CABLES1: variants seen among roughly 807,000 people sequenced by gnomAD.
CABLES1 encodes the protein CDK5 and ABL1 enzyme substrate 1.
CABLES1 carries 36 observed loss-of-function variants against 57.8 expected under a neutral mutation model. The observed-to-expected ratio is 0.62, with a 90% CI of 0.48 to 0.82. The LOEUF (loss-of-function observed/expected upper bound fraction) is 0.82, where lower values mean the gene tolerates loss of function less well. CABLES1 is among the 40% of genes least tolerant of loss of function. The pLI is 0.00. For synonymous variants in CABLES1, 374 were observed against 363.0 expected (o/e 1.03, Z -0.35); for missense variants, 767 against 836.6 (o/e 0.92, Z 1.03).
chr18:23,183,260 C>T (rs1197915957), intron 1 of CABLES1, among the ~76,000 whole-genome samples: 1 of 152,248 alleles, frequency 6.6e-6, no homozygotes, highest in Non-Finnish European at 1.5e-5. Flanking sequence ...TTTCCCCTCT[C>T]TTCTTCCCCA....
Position 23,257,265 on chromosome 18 carries a change from G to C in CABLES1, c.1800G>C (p.Leu600=). ...EEKFRLNRRE[L]IAFEFPVLVA... is the part of the protein sequence containing the mutation. ...AGTTCCGGCTGAACAGGCGAGAACT[G>C]ATTGCCTTTGAATTCCCGGTGTTAG... Residue 600 remains leucine, a synonymous_variant, in exon 10 of 10, where the codon CTG becomes CTC. Transcript: ENST00000256925. 6.2e-7 allele frequency: 1 copy of C among 1,612,820 alleles called. No homozygotes were observed. The highest frequency in any genetic ancestry group is 8.5e-7 in the Non-Finnish European group (1 of 1,179,728).
intron 1 of CABLES1, among the ~76,000 whole-genome samples, chr18:23,138,955 T>G (rs1444652202): frequency 6.6e-6 from 1 of 152,200 alleles, no homozygotes; most frequent in Non-Finnish European, 1.5e-5. Context: ...CCAGACTACG[T>G]GAGTCCAGAT....
chr18:23,196,162 A>G (rs1167062390), intron 3 of CABLES1, among the ~76,000 whole-genome samples: 1 of 152,250 alleles, frequency 6.6e-6, no homozygotes, highest in Admixed American at 6.5e-5. Context: ...TTGACCTAAG[A>G]GAACGTAAAC....
chr18:23,151,716 G>A (rs1189073759), intron 1 of CABLES1, among the ~76,000 whole-genome samples: 2 of 152,176 alleles, frequency 1.3e-5, no homozygotes, highest in Non-Finnish European at 2.9e-5. Context: ...TTCGGGAGGT[G>A]ACTGCTGAAC....
Position 23,223,527 on chromosome 18 carries a change from G to A in CABLES1, c.1088+9473G>A, listed in dbSNP as rs146515119. On this transcript the variant is annotated intron_variant, in intron 4 of 9. Transcript: ENST00000256925. ...CGGGAGGTGGAGGTTGCAGTGAGCC[G>A]AGATCTCGCCATTGCATTCCAGCCT... is the stretch of plus-strand genomic sequence containing the variant. Among the ~76,000 whole-genome samples, 572 of 149,506 alleles carry A rather than the reference G, an allele frequency of 3.8e-3. 3 individuals are homozygous for A. Among genetic ancestry groups the A allele is most frequent in the African/African-American group, 0.013 (541 of 40,448 alleles).
chr18:23,256,076 C>T (rs1479252807), intron 9 of CABLES1, among the ~76,000 whole-genome samples: 2 of 152,162 alleles, frequency 1.3e-5, no homozygotes, highest in Admixed American at 6.5e-5. Flanking sequence ...ATGGTTTGAC[C>T]AGCCACTTAC....
intron 2 of CABLES1, among the ~76,000 whole-genome samples, chr18:23,191,877 T>C (rs1262921696): frequency 7.0e-6 from 1 of 142,720 alleles, no homozygotes; most frequent in Non-Finnish European, 1.5e-5. Flanking sequence ...AAGCATTTCT[T>C]AGATTCCCTG....
intron 9 of CABLES1, among the ~76,000 whole-genome samples, chr18:23,256,929 T>C (rs1267931699): frequency 6.6e-6 from 1 of 152,234 alleles, no homozygotes; most frequent in Non-Finnish European, 1.5e-5. Context: ...GCCCGTTTTC[T>C]CATCTGTAAA....
chr18:23,136,458 T>C lies in CABLES1; in HGVS notation c.696T>C (p.Ser232=), dbSNP rs2046822368. 3 of 1,599,630 alleles carry C rather than the reference T, an allele frequency of 1.9e-6. No individual in the cohort carries two copies. The highest frequency in any genetic ancestry group is 1.7e-5 in the Admixed American group (1 of 58,754). ...AAFLGSGTPG[S]GSGSRGRLNS... is the part of the protein sequence containing the mutation. The stretch of plus-strand genomic sequence containing the variant: ...TTTTGGGCTCCGGGACCCCCGGGAG[T>C]GGGAGCGGCAGTCGGGGACGCCTCA... Residue 232 remains serine, a synonymous_variant, in exon 1 of 10, where the codon AGT becomes AGC. Transcript: ENST00000256925.
chr18:23,220,479 G>A (rs563456785), intron 4 of CABLES1, among the ~76,000 whole-genome samples: 4 of 152,082 alleles, frequency 2.6e-5, no homozygotes, highest in Non-Finnish European at 5.9e-5. Flanking sequence ...CAGGCAGTGT[G>A]GCCGCAGATC....
In CABLES1 at chr18:23,257,759, G is replaced by A. The variant is rs1598896496; in HGVS notation, c.*392G>A. On this transcript the variant is annotated 3_prime_UTR_variant, in exon 10 of 10. Transcript: ENST00000256925. ...GGGCTTGAGCATACGGGGGAAGAGAGTCTGCAGAAGTTGGGGGAAAACTTT... is the reference window on the plus strand; with the variant it reads ...GGGCTTGAGCATACGGGGGAAGAGAATCTGCAGAAGTTGGGGGAAAACTTT... 5.9e-6 allele frequency: 1 copy of A among 168,468 alleles called. No individual in the cohort carries two copies. Among genetic ancestry groups the A allele is most frequent in the Non-Finnish European group, 1.3e-5 (1 of 79,478 alleles). The allele number at this position is 168,468 out of a possible 1,614,324, so 10.4% of individuals were successfully genotyped here.
chr18:23,216,082 T>TA (rs1227242404), intron 4 of CABLES1, among the ~76,000 whole-genome samples: 1 of 152,200 alleles, frequency 6.6e-6, no homozygotes, highest in African/African-American at 2.4e-5. Flanking sequence ...ATGCTGGAGA[T>TA]ACCCAGTCAA....
rs953697676 is a variant in CABLES1, at chr18:23,214,249, G to A, written c.1088+195G>A. 35 of 535,782 alleles carry A rather than the reference G, an allele frequency of 6.5e-5. 1 individual carries two copies. The highest frequency in any genetic ancestry group is 4.0e-4 in the African/African-American group (21 of 51,918). 33.2% of individuals were successfully genotyped at this position (535,782 alleles called of 1,614,324 possible). On this transcript the variant is annotated intron_variant, in intron 4 of 9. Coordinates refer to ENST00000256925, the MANE Select transcript of CABLES1 (RefSeq NM_001100619.3). ...GAAAGCTTCCTCGTTGTGTGTGTGCGTGTGTGTCCCATCCTATTGCCTGTT... is the reference window on the plus strand; with the variant it reads ...GAAAGCTTCCTCGTTGTGTGTGTGCATGTGTGTCCCATCCTATTGCCTGTT...
intron 4 of CABLES1, among the ~76,000 whole-genome samples, 154 bp from the exon 5 acceptor site, chr18:23,234,454 A>G (rs2289012): frequency 0.013 from 1,969 of 152,358 alleles, 44 homozygotes; most frequent in East Asian, 0.077. Context: ...CATCACTGGC[A>G]AGCGCCCGAA....
chr18:23,245,432 AC>A (rs1200752779), intron 7 of CABLES1, among the ~76,000 whole-genome samples: 2 of 149,002 alleles, frequency 1.3e-5, no homozygotes, highest in Non-Finnish European at 3.0e-5. Context: ...AATCGCTTGA[AC>A]CCGGGAGGCG....
At chr18:23,219,049 C>CA (rs2047466207) in intron 4 of CABLES1, 1 of 381,842 alleles carries the variant, frequency 2.6e-6, no homozygotes, top group South Asian at 1.9e-5. Flanking sequence ...TTATCCCCAC[C>CA]CCCCCGCAAG....
chr18:23,156,178 C>A (rs1177522700), intron 1 of CABLES1, among the ~76,000 whole-genome samples: 3 of 152,148 alleles, frequency 2.0e-5, no homozygotes, highest in Non-Finnish European at 4.4e-5. Context: ...TCCTCCAGCC[C>A]CCAAGACCAG....
At chr18:23,232,831 C>T (rs1165040154) in intron 4 of CABLES1, among the ~76,000 whole-genome samples, 1 of 152,128 alleles carries the variant, frequency 6.6e-6, no homozygotes, top group African/African-American at 2.4e-5. Context: ...CATGTAATGC[C>T]CAGAGACTAG....
chr18:23,212,475 G>T (rs1598832718), intron 3 of CABLES1, among the ~76,000 whole-genome samples: 2 of 152,190 alleles, frequency 1.3e-5, no homozygotes, highest in Admixed American at 6.5e-5. Flanking sequence ...AACCACTGGG[G>T]ATATGAACTG....
Sources: allele counts gnomAD v4.1 joint callset (sites outside exome capture counted in the v4.1 genomes callset), GRCh38; gene constraint gnomAD v4.1.1; transcripts MANE v1.5; gene names NCBI Gene and HGNC (gene_info 2026-07-23, HGNC 2026-07-21).